Variants in KPNA6 observed in about 807,000 individuals in gnomAD.
The protein encoded by KPNA6 is karyopherin subunit alpha 6, also known as importin subunit alpha-7.
KPNA6 carries 9 observed loss-of-function variants against 72.0 expected under a neutral mutation model. The ratio of observed to expected loss-of-function variants is 0.13; its 90% confidence interval spans 0.08 to 0.22. KPNA6 has a LOEUF of 0.22. Among genes scored for constraint, KPNA6 ranks in the 10% least tolerant of loss-of-function variants. The pLI is 1.00. For synonymous variants in KPNA6, 219 were observed against 242.1 expected, an observed-to-expected ratio of 0.90 and a Z score of 0.89; for missense variants, 374 against 655.7, an observed-to-expected ratio of 0.57 and a Z score of 4.69.
Position 32,159,529 on chromosome 1 carries a change from C to T in KPNA6, c.556C>T (p.Gln186Ter). Residue 186 changes from glutamine (Q) to a stop codon, truncating the protein, a stop_gained and splice_region_variant, in exon 6 of 14, where the codon CAG becomes TAG. Coordinates refer to ENST00000373625, the MANE Select transcript of KPNA6 (RefSeq NM_012316.5). LOFTEE classifies it high-confidence loss of function. ...LNSDFEDVQE[Q>*]AVWALGNIAG... ...TTCAGACTTTGAGGATGTTCAGGAA[C>T]AGGTAATGCTTAGATTTGGTGTGAT... is the stretch of plus-strand genomic sequence containing the variant. 1 of 1,613,588 alleles carries T rather than the reference C, an allele frequency of 6.2e-7. No individual in the cohort carries two copies. Among genetic ancestry groups the T allele is most frequent in the Non-Finnish European group, 8.5e-7 (1 of 1,179,714 alleles).
At chr1:32,161,621 C>T (rs989222868) in intron 7 of KPNA6, among the ~76,000 whole-genome samples, 4 of 152,206 alleles carry the variant, frequency 2.6e-5, no homozygotes, top group Admixed American at 6.5e-5. Context: ...TTCCAGAGAA[C>T]ACCATTCCTT....
At chr1:32,137,157 A>T (rs999699353) in intron 1 of KPNA6, among the ~76,000 whole-genome samples, 2 of 152,074 alleles carry the variant, frequency 1.3e-5, no homozygotes, top group South Asian at 4.1e-4. Flanking sequence ...GGTTCTGTTT[A>T]CTGCATTCAT....
Position 32,161,955 on chromosome 1 carries a change from C to A in KPNA6, c.656C>A (p.Thr219Asn), listed in dbSNP as rs1398019937. 1 of 1,613,790 alleles carries A rather than the reference C, an allele frequency of 6.2e-7. No homozygotes were observed. The highest frequency in any genetic ancestry group is 1.3e-5 in the African/African-American group (1 of 74,922). Reference sequence around the variant, plus strand: ...TTTGCTGTTTCCTTCAGACTCCTTACCAAGTCCACACGACTGACGATGACA... The same window carrying A: ...TTTGCTGTTTCCTTCAGACTCCTTAACAAGTCCACACGACTGACGATGACA... ...SILNPLLTLL[T>N]KSTRLTMTRN... Residue 219 changes from threonine to asparagine, a missense_variant, in exon 8 of 14, where the codon ACC becomes AAC. Thr to Asn is a moderately conservative substitution (Grantham distance 65, BLOSUM62 0). Around this residue, in one of 3 missense-constraint regions of KPNA6, gnomAD observed 298 missense variants for 495.4 expected, o/e 0.60. Coordinates refer to ENST00000373625, the MANE Select transcript of KPNA6 (RefSeq NM_012316.5).
chr1:32,116,280 G>A (rs189601260), intron 1 of KPNA6, among the ~76,000 whole-genome samples: 10 of 150,048 alleles, frequency 6.7e-5, no homozygotes, highest in Admixed American at 2.0e-4. Context: ...CCATTCTCCT[G>A]CCTCAGCCTC....
intron 1 of KPNA6, among the ~76,000 whole-genome samples, chr1:32,144,561 A>G (rs1641898504): frequency 6.6e-6 from 1 of 152,146 alleles, no homozygotes; most frequent in South Asian, 2.1e-4. Flanking sequence ...CTTATCAGCA[A>G]TCCACCAGGT....
chr1:32,108,743 T>G (rs1641192453), intron 1 of KPNA6, among the ~76,000 whole-genome samples: 1 of 152,182 alleles, frequency 6.6e-6, no homozygotes, highest in Non-Finnish European at 1.5e-5. Context: ...GCATCGCTTG[T>G]GATGGTAGAA....
At chr1:32,128,030 G>T (rs1641564554) in intron 1 of KPNA6, among the ~76,000 whole-genome samples, 1 of 151,988 alleles carries the variant, frequency 6.6e-6, no homozygotes, top group African/African-American at 2.4e-5. Flanking sequence ...ATATTTTTGT[G>T]CTGGCTTAAA....
intron 1 of KPNA6, among the ~76,000 whole-genome samples, chr1:32,111,250 A>G (rs1391402576): frequency 6.6e-6 from 1 of 152,212 alleles, no homozygotes; most frequent in Non-Finnish European, 1.5e-5. Context: ...GGAGAAGATA[A>G]CACAGCCAGT....
At chr1:32,109,102 A>T (rs1641198857) in intron 1 of KPNA6, among the ~76,000 whole-genome samples, 1 of 152,204 alleles carries the variant, frequency 6.6e-6, no homozygotes, top group African/African-American at 2.4e-5. Flanking sequence ...TTAGAGAGGT[A>T]AAGTAACTTA....
At chr1:32,118,272 A>C (rs1641362404) in intron 1 of KPNA6, among the ~76,000 whole-genome samples, 1 of 151,562 alleles carries the variant, frequency 6.6e-6, no homozygotes, top group Non-Finnish European at 1.5e-5. Context: ...TTCTTCATGA[A>C]CCTTTCTGAA....
At chr1:32,128,487 T>G (rs1272197231) in intron 1 of KPNA6, among the ~76,000 whole-genome samples, 1 of 147,006 alleles carries the variant, frequency 6.8e-6, no homozygotes, top group Non-Finnish European at 1.5e-5. Context: ...GAGCTTTGGA[T>G]ATATAGTCAT....
rs201898891 is a variant in KPNA6, at chr1:32,114,454, AT to A, written c.4+6321del. Among the ~76,000 whole-genome samples the A allele has an allele frequency of 2.7e-3, 383 of 140,320 alleles. 2 individuals carry two copies. The South Asian group carries it at 0.031, about 11-fold the overall frequency. The allele number at this position is 140,320 out of a possible 152,430, so 92.1% of individuals were successfully genotyped here. On this transcript the variant is annotated intron_variant, in intron 1 of 13. Transcript: ENST00000373625. ...GAAACTCTGTCTCAAAAAAAAAAAT[AT>A]ATATATATATATATATATTCAGTAA...
intron 2 of KPNA6, among the ~76,000 whole-genome samples, chr1:32,155,922 T>C (rs866405544): frequency 7.3e-6 from 1 of 137,212 alleles, no homozygotes; most frequent in South Asian, 2.4e-4. Context: ...TGGATTTTTT[T>C]TTTTTTTTTT....
At position 32,170,072 on chromosome 1, in the gene KPNA6, C is replaced by G; in HGVS notation, c.1423+12C>G. ...AGAGGAAGCCTATGGTATGTGCCCT[C>G]TCCTCAATCTAGGTCAGAACCTGAG... On this transcript the variant is annotated intron_variant, in intron 13 of 13. Coordinates refer to ENST00000373625, the MANE Select transcript of KPNA6 (RefSeq NM_012316.5). The G allele has an allele frequency of 1.2e-6, 2 of 1,610,066 alleles. No individual in the cohort carries two copies. The highest frequency in any genetic ancestry group is 1.7e-6 in the Non-Finnish European group (2 of 1,176,842).
chr1:32,158,196 C>G, intron 4 of KPNA6, 71 bp from the exon 5 acceptor site: 1 of 955,762 alleles, frequency 1.0e-6, no homozygotes, highest in Non-Finnish European at 1.6e-6. Context: ...AGAAGGATTG[C>G]AAGCTGACCC....
rs1353144772 is a variant in KPNA6, at chr1:32,172,949, AG to A, written c.*2056del. On this transcript the variant is annotated 3_prime_UTR_variant, in exon 14 of 14. Transcript: ENST00000373625. ...ATTGATCTTGAATTTGCCCTCTCCTAGTGCTGCAGTCCCACTTCAAAGCCAT... is the reference window on the plus strand; with the variant it reads ...ATTGATCTTGAATTTGCCCTCTCCTATGCTGCAGTCCCACTTCAAAGCCAT... 11 of 397,242 alleles carry A rather than the reference AG, an allele frequency of 2.8e-5. No homozygotes were observed. The highest frequency in any genetic ancestry group is 8.8e-5 in the Admixed American group (2 of 22,666). 24.6% of individuals were successfully genotyped at this position (397,242 alleles called of 1,614,324 possible). A position where few individuals can be genotyped will look rare whatever the true frequency, so the allele number is the denominator to read the frequency against.
intron 4 of KPNA6, among the ~76,000 whole-genome samples, chr1:32,157,830 C>T (rs1642171108): frequency 6.6e-6 from 1 of 152,076 alleles, no homozygotes; most frequent in Non-Finnish European, 1.5e-5. Context: ...CTCCTGTGTC[C>T]TCTGTACCTA....
At chr1:32,163,940 A>T (rs937143922) in intron 10 of KPNA6, among the ~76,000 whole-genome samples, 2 of 152,338 alleles carry the variant, frequency 1.3e-5, no homozygotes, top group Non-Finnish European at 2.9e-5. Context: ...CATAAAATTT[A>T]CCATTTTAAC....
chr1:32,160,770 C>A, intron 7 of KPNA6, 67 bp downstream of exon 7: 1 of 1,095,974 alleles, frequency 9.1e-7, no homozygotes, highest in Non-Finnish European at 1.4e-6. Context: ...CATTTGGGGG[C>A]AGCATACTTG....
Sources: gnomAD v4.1 joint callset for allele counts (sites outside exome capture counted in the v4.1 genomes callset) on GRCh38, gnomAD v4.1.1 for gene constraint, gnomAD v4.1.1 regional missense constraint, MANE v1.5 for transcripts, NCBI Gene and HGNC (gene_info 2026-07-23, HGNC 2026-07-21) for gene names.